The following ECI2 variants were observed in gnomAD, a reference collection of about 807,000 sequenced individuals.
ECI2 encodes the protein enoyl-CoA delta isomerase 2, also known as D3,D2-enoyl-CoA isomerase.
In ECI2, 27 loss-of-function variants were observed where a neutral mutation model predicts 38.4. That is an observed-to-expected ratio of 0.70 (90% CI 0.52 to 0.97). The LOEUF is 0.97. ECI2 is among the 50% of genes least tolerant of loss of function. ECI2 has a pLI of 0.00. For synonymous variants in ECI2, 168 were observed against 172.0 expected (o/e 0.98, Z 0.18); for missense variants, 470 against 474.4 (o/e 0.99, Z 0.09).
intron 2 of ECI2, among the ~76,000 whole-genome samples, chr6:4,132,156 G>A (rs1773532795): frequency 6.6e-6 from 1 of 152,194 alleles, no homozygotes; most frequent in Non-Finnish European, 1.5e-5. Context: ...TAAGGGAAAG[G>A]ATAGAGATTA....
At chr6:4,120,239 T>A (rs1305949180) in intron 7 of ECI2, among the ~76,000 whole-genome samples, 1 of 152,188 alleles carries the variant, frequency 6.6e-6, no homozygotes, top group Non-Finnish European at 1.5e-5. Context: ...GAGAAATGCA[T>A]AATTAGGCAA....
intron 7 of ECI2, among the ~76,000 whole-genome samples, chr6:4,122,855 A>G (rs1772898072): frequency 6.6e-6 from 1 of 152,188 alleles, no homozygotes; most frequent in Non-Finnish European, 1.5e-5. Flanking sequence ...GTGTATGCGT[A>G]TATTTATAAT....
intron 5 of ECI2, among the ~76,000 whole-genome samples, chr6:4,127,128 T>C (rs1325899122): frequency 1.3e-5 from 2 of 152,232 alleles, no homozygotes; most frequent in Non-Finnish European, 2.9e-5. Flanking sequence ...ATCCACATTC[T>C]TGTGTATATC....
At chr6:4,129,537 A>G (rs1161755564) in intron 4 of ECI2, among the ~76,000 whole-genome samples, 5 of 152,220 alleles carry the variant, frequency 3.3e-5, no homozygotes, top group Non-Finnish European at 5.9e-5. Context: ...AATTAAATAA[A>G]CTTCTGTGTG....
chr6:4,130,733 C>G, intron 3 of ECI2, 34 bp downstream of exon 3: 1 of 1,611,064 alleles, frequency 6.2e-7, no homozygotes, highest in Non-Finnish European at 8.5e-7. Context: ...TTTAGAAGTA[C>G]AGCAAATAAA....
chr6:4,127,542 G>A (rs553400208), intron 5 of ECI2, among the ~76,000 whole-genome samples: 2 of 151,292 alleles, frequency 1.3e-5, no homozygotes, highest in East Asian at 3.9e-4. Context: ...AGCCTCCTGA[G>A]TAGCTGGGAT....
At chr6:4,131,549 AAAG>A (rs1266897410) in intron 2 of ECI2, among the ~76,000 whole-genome samples, 1 of 152,170 alleles carries the variant, frequency 6.6e-6, no homozygotes, top group African/African-American at 2.4e-5. Context: ...GTTAGAGAGG[AAAG>A]AAGAAAGAGT....
Position 4,115,813 on chromosome 6 carries a change from T to A in ECI2, c.*61A>T. On this transcript the variant is annotated 3_prime_UTR_variant, in exon 10 of 10. Coordinates refer to ENST00000380118, the MANE Select transcript of ECI2 (RefSeq NM_206836.3). The stretch of plus-strand genomic sequence containing the variant: ...AATGAAGCTTATTTAGTTCCAGTAC[T>A]GGAAATCAGAGGTAACAGCACATCC... 6.4e-7 allele frequency: 1 copy of A among 1,558,314 alleles called. No homozygotes were observed. Among genetic ancestry groups the A allele is most frequent in the Non-Finnish European group, 8.7e-7 (1 of 1,153,284 alleles).
intron 9 of ECI2, 39 bp from the exon 10 acceptor site, chr6:4,116,068 C>T: frequency 6.3e-7 from 1 of 1,591,104 alleles, no homozygotes. Context: ...AAGAGTTGAC[C>T]TAGGCTGGAC....
At chr6:4,123,547 T>C (rs1179825460) in intron 7 of ECI2, among the ~76,000 whole-genome samples, 2 of 149,904 alleles carry the variant, frequency 1.3e-5, no homozygotes, top group Non-Finnish European at 3.0e-5. Context: ...AATATATATA[T>C]GCAATATACA....
chr6:4,119,383 C>G (rs528187938), intron 7 of ECI2, 108 bp from the exon 8 acceptor site: 2 of 770,688 alleles, frequency 2.6e-6, no homozygotes, highest in East Asian at 3.0e-5. Flanking sequence ...TGAAGTGGCG[C>G]GATCTCGGCT....
At chr6:4,126,293 A>G (rs1019629741) in intron 5 of ECI2, 56 bp from the exon 6 acceptor site, 4 of 1,432,114 alleles carry the variant, frequency 2.8e-6, no homozygotes, top group Non-Finnish European at 3.9e-6. Flanking sequence ...ATTCTTGAGT[A>G]TCTACTGCAT....
Position 4,130,518 on chromosome 6 carries a change from T to C in ECI2, c.355A>G (p.Ser119Gly), listed in dbSNP as rs1430115992. ...TGACTAGAGGATTCCAATGAAGGAC[T>C]CAAACTGGACACCAAATCCACATAG... ...QNYVDLVSSL[S>G]PSLESSSQVE... is the part of the protein sequence containing the mutation. The change falls in exon 4 of 10, where the codon AGT becomes GGT. Residue 119 changes from serine to glycine, a missense_variant. Physicochemically the swap from Ser to Gly is moderately conservative, Grantham distance 56 (BLOSUM62 0). Coordinates refer to ENST00000380118, the MANE Select transcript of ECI2 (RefSeq NM_206836.3). 6.2e-7 allele frequency: 1 copy of C among 1,614,200 alleles called. No individual in the cohort carries two copies. Among genetic ancestry groups the C allele is most frequent in the East Asian group, 2.2e-5 (1 of 44,894 alleles).
intron 1 of ECI2, 154 bp downstream of exon 1, chr6:4,135,357 T>C: frequency 3.3e-6 from 5 of 1,496,738 alleles, no homozygotes; most frequent in Non-Finnish European, 4.4e-6. Flanking sequence ...AGGTCGTCAC[T>C]TTTTAGCACT....
intron 2 of ECI2, among the ~76,000 whole-genome samples, chr6:4,132,251 C>T (rs1225721595): frequency 6.6e-6 from 1 of 151,978 alleles, no homozygotes; most frequent in African/African-American, 2.4e-5. Flanking sequence ...CCCATGGAGT[C>T]AGCATAGGGC....
chr6:4,116,535 G>C (rs151060635), intron 9 of ECI2, among the ~76,000 whole-genome samples: 9,407 of 151,202 alleles, frequency 0.062, 645 homozygotes, highest in East Asian at 0.34. Context: ...CTGCCTCCCG[G>C]GTTCAAGCAA....
rs370499686 is a variant in ECI2, at chr6:4,133,671, T to C, written c.91A>G (p.Met31Val). 29 of 1,613,220 alleles carry C rather than the reference T, an allele frequency of 1.8e-5. 1 individual carries two copies. Among genetic ancestry groups the C allele is most frequent in the Admixed American group, 8.4e-5 (5 of 59,838 alleles). ...CTGGCTCTCATTGCTGTTCTATTCA[T>C]GTGCAGCTGAACTACCGGGAAACTA... Reference protein sequence around the residue: ...VTSFPVVQLHMNRTAMRASQK... With the variant: ...VTSFPVVQLHVNRTAMRASQK... The change falls in exon 2 of 10, where the codon ATG (methionine) becomes GTG (valine). Residue 31 changes from methionine to valine, a missense_variant. Coordinates refer to ENST00000380118, the MANE Select transcript of ECI2 (RefSeq NM_206836.3).
Position 4,135,534 on chromosome 6 carries a change from T to C in ECI2, c.27A>G (p.Arg9=), listed in dbSNP as rs772446047. 21 of 1,587,534 alleles carry C rather than the reference T, an allele frequency of 1.3e-5. No homozygotes were observed. The African/African-American group carries it at 2.4e-4, about 18-fold the overall frequency. The part of the protein sequence containing the change: MAMAYLAW[R]LARRSCPSSL... ...ACCTCGGACACGAACGCCGCGCCAG[T>C]CTCCAAGCCAAGTACGCCATCGCCA... is the stretch of plus-strand genomic sequence containing the variant. The change falls in exon 1 of 10, where the codon AGA becomes AGG. Residue 9 remains arginine, a synonymous_variant. Transcript: ENST00000380118.
At chr6:4,130,019 A>G in intron 4 of ECI2, 1 of 1,156,728 alleles carries the variant, frequency 8.6e-7, no homozygotes, top group Non-Finnish European at 1.3e-6. Flanking sequence ...ACTTACTTTC[A>G]TGTCTAAGTG....
Sources: gnomAD v4.1 joint callset for allele counts (sites outside exome capture counted in the v4.1 genomes callset) on GRCh38, gnomAD v4.1.1 for gene constraint, MANE v1.5 for transcripts, NCBI Gene and HGNC (gene_info 2026-07-23, HGNC 2026-07-21) for gene names.